The following RSRC2 variants were observed in gnomAD, a reference collection of about 807,000 sequenced individuals.
RSRC2 encodes arginine/serine-rich coiled-coil protein 2.
RSRC2 carries 5 observed loss-of-function variants against 61.3 expected under a neutral mutation model. The ratio of observed to expected loss-of-function variants is 0.08; its 90% CI spans 0.04 to 0.17. The LOEUF (loss-of-function observed/expected upper bound fraction) is 0.17. Ranked by LOEUF, RSRC2 falls within the 10% of genes least tolerant of loss-of-function variation. The pLI, the probability that RSRC2 is intolerant of heterozygous loss-of-function variation, is 1.00. For synonymous variants in RSRC2, 202 were observed against 166.5 expected (o/e 1.21, Z -1.64); for missense variants, 381 against 518.8 (o/e 0.73, Z 2.58).
chr12:122,508,961 CA>C (rs143618756), intron 7 of RSRC2, among the ~76,000 whole-genome samples: 14 of 143,692 alleles, frequency 9.7e-5, no homozygotes, highest in African/African-American at 2.5e-4. Flanking sequence ...CGTATCAAAA[CA>C]AAAAAAAAAC....
Position 122,522,374 on chromosome 12 carries a change from A to G in RSRC2, c.7-75T>C, listed in dbSNP as rs960147330. The G allele has an allele frequency of 3.7e-6, 5 of 1,364,198 alleles. No individual in the cohort carries two copies. In the African/African-American group the frequency reaches 4.4e-5, roughly 12 times the overall value. The allele number at this position is 1,364,198 out of a possible 1,614,324, so 84.5% of individuals were successfully genotyped here. On this transcript the variant is annotated intron_variant, in intron 1 of 9. Transcript: ENST00000331738. ...TTTTCAATTTCTTAAAAGAGGGACAAAGGGAGGGAAGATAGCCCCCCACAA... is the reference window on the plus strand; with the variant it reads ...TTTTCAATTTCTTAAAAGAGGGACAGAGGGAGGGAAGATAGCCCCCCACAA...
intron 1 of RSRC2, among the ~76,000 whole-genome samples, chr12:122,525,801 G>GTT (rs1169838098): frequency 0.011 from 226 of 21,500 alleles, 84 homozygotes; most frequent in African/African-American, 0.069. Context: ...TCAACGAAGA[G>GTT]TTTTTTTTTT....
At position 122,526,902 on chromosome 12, in the gene RSRC2, A is replaced by G. The variant is rs753370226; in HGVS notation, c.-49T>C. The G allele has an allele frequency of 1.9e-6, 3 of 1,611,630 alleles. No homozygotes were observed. On this transcript the variant is annotated 5_prime_UTR_variant, in exon 1 of 10. Coordinates refer to ENST00000331738, the MANE Select transcript of RSRC2 (RefSeq NM_023012.6). ...GCGGCGCCTCCACTTGTCGCTTTCA[A>G]CAGTACCGGCCGCTCCGAAGCTTCG...
intron 3 of RSRC2, chr12:122,520,053 G>GT (rs1264218553): frequency 2.6e-5 from 4 of 156,618 alleles, no homozygotes; most frequent in African/African-American, 9.7e-5. Context: ...CCTTCCCCAT[G>GT]TTTTTCTGAT....
intron 3 of RSRC2, chr12:122,520,397 C>T: frequency 1.6e-6 from 1 of 643,166 alleles, no homozygotes. Flanking sequence ...TATTTCAAAC[C>T]AGTTTTTCAA....
At chr12:122,520,643 A>C in intron 3 of RSRC2, 2 of 1,155,660 alleles carry the variant, frequency 1.7e-6, no homozygotes, top group Non-Finnish European at 2.4e-6. Context: ...CATTTTCACA[A>C]AAACTCTCCT....
At chr12:122,514,606 C>A in intron 6 of RSRC2, 2 of 1,028,526 alleles carry the variant, frequency 1.9e-6, no homozygotes, top group African/African-American at 1.7e-5. Flanking sequence ...AAAGTTCTCC[C>A]ATAGTTACCA....
At chr12:122,524,110 T>C (rs1043602096) in intron 1 of RSRC2, among the ~76,000 whole-genome samples, 1 of 152,190 alleles carries the variant, frequency 6.6e-6, no homozygotes, top group African/African-American at 2.4e-5. Context: ...TTCAACTTTC[T>C]CGTTTCACAG....
intron 6 of RSRC2, among the ~76,000 whole-genome samples, chr12:122,514,144 CCTCT>C (rs1021040173): frequency 1.3e-4 from 20 of 151,994 alleles, no homozygotes; most frequent in Admixed American, 6.6e-5. Flanking sequence ...TTACTTTTTG[CCTCT>C]CTATGAGGCA....
At chr12:122,509,585 T>A (rs949854414) in intron 7 of RSRC2, among the ~76,000 whole-genome samples, 4 of 152,122 alleles carry the variant, frequency 2.6e-5, no homozygotes, top group African/African-American at 9.7e-5. Flanking sequence ...AAAAGACACC[T>A]CTGATTACCT....
At chr12:122,509,158 T>C (rs1163146907) in intron 7 of RSRC2, among the ~76,000 whole-genome samples, 3 of 151,258 alleles carry the variant, frequency 2.0e-5, no homozygotes, top group Non-Finnish European at 3.0e-5. Context: ...AAAAACAGTA[T>C]GCAGCTAAGG....
In RSRC2 at chr12:122,518,950, T is replaced by C. The variant is rs147583606; in HGVS notation, c.287A>G (p.Asp96Gly). The C allele has an allele frequency of 3.7e-6, 6 of 1,613,702 alleles. No homozygotes were observed. In the African/African-American group the frequency reaches 8.0e-5, roughly 22 times the overall value. Residue 96 changes from aspartate (D) to glycine (G), a missense_variant, in exon 4 of 10, where the codon GAT becomes GGT. Asp to Gly is a moderately conservative substitution (Grantham distance 94). Around this residue, in one of 4 missense-constraint regions of RSRC2, gnomAD observed 266 missense variants for 270.5 expected, o/e 0.98. Coordinates refer to ENST00000331738, the MANE Select transcript of RSRC2 (RefSeq NM_023012.6). Reference protein sequence around the residue: ...EEHNDKEHSSDKGRERLNSSE... With the variant: ...EEHNDKEHSSGKGRERLNSSE... ...TGAATTTAGTCGCTCTCTTCCTTTA[T>C]CAGAAGAATGTTCTTTGTCATTATG...
At chr12:122,514,693 T>C (rs1231331515) in intron 6 of RSRC2, 1 of 1,155,132 alleles carries the variant, frequency 8.7e-7, no homozygotes, top group Admixed American at 3.3e-5. Context: ...AATAATAATA[T>C]TGACAAAATT....
chr12:122,522,416 C>G, intron 1 of RSRC2, 117 bp from the exon 2 acceptor site: 1 of 982,494 alleles, frequency 1.0e-6, no homozygotes, highest in Admixed American at 3.1e-5. Context: ...AATCAGAATG[C>G]CTGCTTTCCA....
chr12:122,508,130 G>A (rs745824487), intron 8 of RSRC2, 88 bp downstream of exon 8: 35 of 1,230,278 alleles, frequency 2.8e-5, no homozygotes, highest in East Asian at 2.6e-4. Context: ...AAGTTAAGCC[G>A]AAAGTAATAT....
chr12:122,510,025 T>C (rs1958380276), intron 7 of RSRC2, among the ~76,000 whole-genome samples: 1 of 152,154 alleles, frequency 6.6e-6, no homozygotes, highest in Admixed American at 6.5e-5. Context: ...TTTTGCCATG[T>C]TGGCCAGGCT....
At chr12:122,514,782 A>G (rs1958785699) in intron 6 of RSRC2, 1 of 1,023,876 alleles carries the variant, frequency 9.8e-7, no homozygotes, top group Non-Finnish European at 1.3e-6. Context: ...AGATGAGAAA[A>G]TAATAGTTCT....
chr12:122,505,899 C>G (rs1254113490), intron 9 of RSRC2, among the ~76,000 whole-genome samples, 193 bp from the exon 10 acceptor site: 1 of 152,110 alleles, frequency 6.6e-6, no homozygotes, highest in Non-Finnish European at 1.5e-5. Flanking sequence ...ATGCCTCAGC[C>G]TCCCAAATAG....
Position 122,513,366 on chromosome 12 carries a change from G to T in RSRC2, c.725+1739C>A, listed in dbSNP as rs554885059. On this transcript the variant is annotated intron_variant, in intron 6 of 9. Transcript: ENST00000331738. ...AACCAATATAAAAGGTCTATACATG[G>T]TAGTTTCTTAAGAAAAAAATTCTCC... is the stretch of plus-strand genomic sequence containing the variant. Among the ~76,000 whole-genome samples, 17 of 151,294 alleles carry T rather than the reference G, an allele frequency of 1.1e-4. No homozygotes were observed. The South Asian group carries it at 3.3e-3, about 30-fold the overall frequency.
Sources: allele counts gnomAD v4.1 joint callset (sites outside exome capture counted in the v4.1 genomes callset), GRCh38; gene constraint gnomAD v4.1.1; regional missense constraint gnomAD v4.1.1; transcripts MANE v1.5; gene names NCBI Gene and HGNC (gene_info 2026-07-23, HGNC 2026-07-21).